Variants in TSC2 observed in about 807,000 individuals in gnomAD.
TSC2 encodes TSC complex subunit 2.
TSC2 carries 29 observed loss-of-function variants against 202.2 expected under a neutral mutation model. The observed-to-expected ratio is 0.14, with a 90% CI of 0.11 to 0.20. TSC2 has a LOEUF of 0.20. TSC2 is among the 10% of genes least tolerant of loss of function. The pLI, the probability that TSC2 is intolerant of heterozygous loss-of-function variation, is 1.00. For synonymous variants in TSC2, 1,349 were observed against 1,044.0 expected, an observed-to-expected ratio of 1.29 and a Z score of -5.63; for missense variants, 2,429 against 2,420.0, an observed-to-expected ratio of 1.00 and a Z score of -0.08.
In TSC2 at chr16:2,083,812, G is replaced by A. The variant is rs1060500964; in HGVS notation, c.4001G>A (p.Ser1334Asn). The change falls in exon 33 of 42, where the codon AGC becomes AAC. Residue 1334 changes from serine (S) to asparagine (N), a missense_variant. Ser to Asn is a conservative substitution (Grantham distance 46). Transcript: ENST00000219476. ...ATGGACAGGCGCACGGATGCCTACA[G>A]CAGGGTGAGTGTGGCTCAGAGCCTG... Reference protein sequence around the residue: ...LGMDRRTDAYSRSSSVSSQEE... With the variant: ...LGMDRRTDAYNRSSSVSSQEE... The A allele has an allele frequency of 2.5e-6, 4 of 1,610,852 alleles. No individual in the cohort carries two copies. Among genetic ancestry groups the A allele is most frequent in the Non-Finnish European group, 3.4e-6 (4 of 1,179,538 alleles).
intron 24 of TSC2, 36 bp from the exon 25 acceptor site, chr16:2,076,455 C>G (rs1351420102): frequency 6.2e-7 from 1 of 1,611,436 alleles, no homozygotes; most frequent in East Asian, 2.2e-5. Flanking sequence ...GCCCCCATTG[C>G]CACCCCTCAC....
chr16:2,080,411 C>T lies in TSC2; in HGVS notation c.3610+34C>T, dbSNP rs200819040. ...CGGGGCTGGCCTGAGCGCCATCTTT[C>T]TGCCAGTCACCCACAGAGCTGTGGA... On this transcript the variant is annotated intron_variant, in intron 30 of 41. Coordinates refer to ENST00000219476, the MANE Select transcript of TSC2 (RefSeq NM_000548.5). 112 of 1,604,964 alleles carry T rather than the reference C, an allele frequency of 7.0e-5. No homozygotes were observed. The East Asian group carries it at 1.8e-3, about 26-fold the overall frequency.
intron 1 of TSC2, chr16:2,048,345 G>C: frequency 1.1e-6 from 1 of 884,402 alleles, no homozygotes. Flanking sequence ...GCACTGAGTC[G>C]GGCGGGGCGG....
chr16:2,071,265 T>C, intron 17 of TSC2: 1 of 579,070 alleles, frequency 1.7e-6, no homozygotes, highest in East Asian at 2.9e-5. Flanking sequence ...CGGGCCCAGC[T>C]GTGGTGGTGG....
intron 16 of TSC2, among the ~76,000 whole-genome samples, chr16:2,069,347 C>A (rs541880338): frequency 1.3e-5 from 2 of 152,238 alleles, no homozygotes; most frequent in African/African-American, 2.4e-5. Context: ...GATGGAGTCT[C>A]GCTCTGTCGC....
intron 4 of TSC2, 173 bp from the exon 5 acceptor site, chr16:2,054,123 G>A: frequency 9.8e-7 from 1 of 1,023,946 alleles, no homozygotes. Flanking sequence ...GGTGCATCCG[G>A]CCCCCTGCCC....
At position 2,056,627 on chromosome 16, in the gene TSC2, G is replaced by A. The variant is rs757405342; in HGVS notation, c.649-17G>A. ...AGCTGGGGTAGGACGGGCGTGAGCCGTCTCCCTCTCCACCAGGTCTCCCTG... is the reference window on the plus strand; with the variant it reads ...AGCTGGGGTAGGACGGGCGTGAGCCATCTCCCTCTCCACCAGGTCTCCCTG... On this transcript the variant is annotated splice_polypyrimidine_tract_variant and intron_variant, in intron 7 of 41. Transcript: ENST00000219476. 1.6e-5 allele frequency: 26 copies of A among 1,607,644 alleles called. No homozygotes were observed. Among genetic ancestry groups the A allele is most frequent in the African/African-American group, 1.5e-4 (11 of 74,902 alleles).
chr16:2,059,440 T>G (rs1567418435), intron 10 of TSC2, among the ~76,000 whole-genome samples: 1 of 140,024 alleles, frequency 7.1e-6, no homozygotes, highest in South Asian at 2.3e-4. Flanking sequence ...CCTCCCCAGT[T>G]CAAGCCATTC....
Position 2,062,827 on chromosome 16 carries a change from T to A in TSC2, c.1362-145T>A, listed in dbSNP as rs559281720. The A allele has an allele frequency of 4.0e-6, 4 of 1,010,346 alleles. No homozygotes were observed. In the East Asian group the frequency reaches 1.0e-4, roughly 26 times the overall value. The allele number at this position is 1,010,346 out of a possible 1,614,324, so 62.6% of individuals were successfully genotyped here. A position where few individuals can be genotyped will look rare whatever the true frequency, so the allele number is the denominator to read the frequency against. On this transcript the variant is annotated intron_variant, in intron 13 of 41. Coordinates refer to ENST00000219476, the MANE Select transcript of TSC2 (RefSeq NM_000548.5). The stretch of plus-strand genomic sequence containing the variant: ...TCTTTTCGGGGGTCGTCTGGAGAGA[T>A]GCTCCCTGGGAAGCAGAGCTCTGTG...
chr16:2,085,616 A>AG (rs1239378709), intron 36 of TSC2, among the ~76,000 whole-genome samples: 1 of 151,944 alleles, frequency 6.6e-6, no homozygotes, highest in African/African-American at 2.4e-5. Flanking sequence ...CTGACAGCTG[A>AG]GTGGTGAGGG....
rs1555498800 is a variant in TSC2, at chr16:2,056,681, A to G, written c.686A>G (p.Asn229Ser). Residue 229 changes from asparagine (N) to serine (S), a missense_variant, in exon 8 of 42, where the codon AAC becomes AGC. Coordinates refer to ENST00000219476, the MANE Select transcript of TSC2 (RefSeq NM_000548.5). Reference sequence around the variant, plus strand: ...GTGCTGGACGCCGTGGTCTGCTACAACTGCCTGCCGGCTGAGAGCCTCCCG... The same window carrying G: ...GTGCTGGACGCCGTGGTCTGCTACAGCTGCCTGCCGGCTGAGAGCCTCCCG... ...LQVLDAVVCY[N>S]CLPAESLPLF... The G allele has an allele frequency of 4.3e-6, 7 of 1,612,246 alleles. No individual in the cohort carries two copies. The highest frequency in any genetic ancestry group is 2.7e-5 in the African/African-American group (2 of 74,900).
intron 11 of TSC2, chr16:2,061,107 G>A: frequency 2.2e-6 from 1 of 461,578 alleles, no homozygotes. Context: ...TTCGTGGCCT[G>A]AGTGGGCCCC....
chr16:2,058,640 C>T, intron 9 of TSC2, 107 bp from the exon 10 acceptor site: 1 of 1,508,134 alleles, frequency 6.6e-7, no homozygotes, highest in Non-Finnish European at 8.9e-7. Flanking sequence ...CCCCCAAGCA[C>T]AGGGACCTCT....
chr16:2,056,267 G>A, intron 7 of TSC2, 23 bp downstream of exon 7: 1 of 1,613,820 alleles, frequency 6.2e-7, no homozygotes, highest in South Asian at 1.1e-5. Context: ...CCTCCCCAGG[G>A]CCGGCCCATT....
chr16:2,086,989 C>G, intron 38 of TSC2, 118 bp downstream of exon 38: 1 of 1,467,762 alleles, frequency 6.8e-7, no homozygotes, highest in Non-Finnish European at 9.2e-7. Flanking sequence ...GGAGAGGCCG[C>G]AGTGCTCAGG....
At chr16:2,052,087 T>C (rs1330153451) in intron 3 of TSC2, among the ~76,000 whole-genome samples, 1 of 151,912 alleles carries the variant, frequency 6.6e-6, no homozygotes, top group East Asian at 1.9e-4. Context: ...AGAACAAGCG[T>C]CCTGCATCCT....
chr16:2,088,027 G>GT, intron 39 of TSC2, 21 bp from the exon 40 acceptor site: 1 of 1,611,618 alleles, frequency 6.2e-7, no homozygotes. Context: ...TGGGCCTGGC[G>GT]TGACCACCAA....
intron 18 of TSC2, 64 bp from the exon 19 acceptor site, chr16:2,071,720 G>T: frequency 6.3e-7 from 1 of 1,595,260 alleles, no homozygotes; most frequent in East Asian, 2.3e-5. Context: ...GGGTTGGGAA[G>T]AGCCAAGTCT....
At chr16:2,087,613 G>A (rs1287801179) in intron 38 of TSC2, among the ~76,000 whole-genome samples, 1 of 152,188 alleles carries the variant, frequency 6.6e-6, no homozygotes, top group Non-Finnish European at 1.5e-5. Context: ...GCCCCAGTGA[G>A]TGGAGGTGCC....
Sources: gnomAD v4.1 joint callset for allele counts (sites outside exome capture counted in the v4.1 genomes callset) on GRCh38, gnomAD v4.1.1 for gene constraint, MANE v1.5 for transcripts, NCBI Gene and HGNC (gene_info 2026-07-23, HGNC 2026-07-21) for gene names.